EIF4E3: variants seen among roughly 807,000 people sequenced by gnomAD.
EIF4E3 encodes eukaryotic translation initiation factor 4E type 3.
EIF4E3 carries 26 observed loss-of-function variants against 31.7 expected under a neutral mutation model. That is an observed-to-expected ratio of 0.82 (90% CI 0.60 to 1.14). The LOEUF (loss-of-function observed/expected upper bound fraction) is 1.14, where lower values mean the gene tolerates loss of function less well. EIF4E3 is among the 50% of genes most tolerant of loss of function. The pLI is 0.00. For missense variants in EIF4E3, 304 were observed against 270.9 expected (o/e 1.12, Z -0.86); for synonymous variants, 128 against 107.7 (o/e 1.19, Z -1.17).
chr3:71,731,991 T>C (rs964078253), intron 1 of EIF4E3, among the ~76,000 whole-genome samples: 3 of 152,230 alleles, frequency 2.0e-5, no homozygotes, highest in Non-Finnish European at 4.4e-5. Context: ...TGGAAATATA[T>C]ATATTCCAAA....
Position 71,725,099 on chromosome 3 carries a change from C to CGGGGCCGGGGCGA in EIF4E3, c.176+80_176+92dup, listed in dbSNP as rs2049611508. On this transcript the variant is annotated intron_variant, in intron 1 of 6. Coordinates refer to ENST00000425534, the MANE Select transcript of EIF4E3 (RefSeq NM_001134651.2). The surrounding 1 kb of genome is among the most constrained non-coding windows in gnomAD (Gnocchi z 6.1). ...GGCCGAGGTCTGTGCCACAGCGGAGCGGGGCCGGGGCGAGGGGCCGCGCCG... is the reference window on the plus strand; with the variant it reads ...GGCCGAGGTCTGTGCCACAGCGGAGCGGGGCCGGGGCGAGGGGCCGGGGCGAGGGGCCGCGCCG... The CGGGGCCGGGGCGA allele has an allele frequency of 1.1e-6, 1 of 918,270 alleles. No homozygotes were observed. The highest frequency in any genetic ancestry group is 5.0e-5 in the South Asian group (1 of 20,058). The allele number at this position is 918,270 out of a possible 1,614,324, so 56.9% of individuals were successfully genotyped here.
At chr3:71,664,435 C>A in the EIF4E3 span, among the ~76,000 whole-genome samples, 1 of 151,932 alleles carries the variant, frequency 6.6e-6, no homozygotes, top group Non-Finnish European at 1.5e-5. Flanking sequence ...CATGATTTCA[C>A]CCCAGCTGTA....
Position 71,730,978 on chromosome 3 carries a change from C to A in EIF4E3, c.-290-2355G>T, listed in dbSNP as rs2049700244. 1.3e-5 allele frequency among the ~76,000 whole-genome samples: 2 copies of A among 152,180 alleles called. 1 individual carries two copies. Among genetic ancestry groups the A allele is most frequent in the South Asian group, 4.1e-4 (2 of 4,832 alleles). On this transcript the variant is annotated intron_variant, in intron 1 of 7. Coordinates refer to the EIF4E3 transcript ENST00000295612. ...GCCTCAAGTGATCCTCCCACAACAG[C>A]CTTCCAAAATGCTGGAATTACAGAC...
chr3:71,660,770 T>C, the EIF4E3 span, among the ~76,000 whole-genome samples: 1 of 152,172 alleles, frequency 6.6e-6, no homozygotes, highest in Non-Finnish European at 1.5e-5. Flanking sequence ...ATAAGTTCTG[T>C]TTTGCGGATG....
chr3:71,708,072 C>T (rs865807874), intron 2 of EIF4E3, among the ~76,000 whole-genome samples: 11 of 152,170 alleles, frequency 7.2e-5, no homozygotes, highest in Middle Eastern at 3.4e-3. Context: ...CAGAGTTTCA[C>T]CTTGTTGCTC....
the EIF4E3 span, among the ~76,000 whole-genome samples, chr3:71,664,899 A>C: frequency 1.3e-5 from 2 of 152,042 alleles, no homozygotes; most frequent in African/African-American, 4.8e-5. Context: ...CAAAACAAAA[A>C]AACTCGAAGA....
intron 4 of EIF4E3, 148 bp from the exon 5 acceptor site, chr3:71,694,089 C>G: frequency 1.5e-6 from 1 of 663,636 alleles, no homozygotes; most frequent in Non-Finnish European, 2.4e-6. Context: ...CCTCCAAATC[C>G]TAGGTGCAAA....
At chr3:71,702,711 T>TA (rs34223814) in intron 2 of EIF4E3, among the ~76,000 whole-genome samples, 26,735 of 131,108 alleles carry the variant, frequency 0.2, 2,701 homozygotes, top group African/African-American at 0.27. Context: ...GTCACACCAT[T>TA]AAAAAAAAAA....
chr3:71,696,074 C>G (rs2049131855), intron 4 of EIF4E3, among the ~76,000 whole-genome samples: 1 of 152,168 alleles, frequency 6.6e-6, no homozygotes, highest in African/African-American at 2.4e-5. Flanking sequence ...TTTGTTCCCC[C>G]TGTAGAGGAG....
At chr3:71,674,636 C>T (rs1198681658), downstream of EIF4E3, among the ~76,000 whole-genome samples, 4 of 152,168 alleles carry the variant, frequency 2.6e-5, no homozygotes, top group Non-Finnish European at 1.5e-5. Flanking sequence ...CACCTCAACA[C>T]TGTTTGTTGT....
intron 1 of EIF4E3, among the ~76,000 whole-genome samples, chr3:71,734,624 G>A (rs1056976978): frequency 6.6e-6 from 1 of 151,962 alleles, no homozygotes; most frequent in African/African-American, 2.4e-5. Flanking sequence ...TATTAGAATT[G>A]AAATTCAGCA....
At chr3:71,697,588 C>T (rs1039470795) in intron 3 of EIF4E3, among the ~76,000 whole-genome samples, 1 of 151,836 alleles carries the variant, frequency 6.6e-6, no homozygotes, top group Non-Finnish European at 1.5e-5. Flanking sequence ...CTCTGGTAAC[C>T]GTCATTCTAC....
intron 1 of EIF4E3, among the ~76,000 whole-genome samples, chr3:71,710,797 T>C (rs2049367536): frequency 6.6e-6 from 1 of 152,206 alleles, no homozygotes; most frequent in African/African-American, 2.4e-5. Context: ...AACCTACTGA[T>C]AACCAAGCAT....
chr3:71,743,653 A>C (rs2049842853), intron 1 of EIF4E3, among the ~76,000 whole-genome samples: 2 of 152,174 alleles, frequency 1.3e-5, no homozygotes, highest in South Asian at 4.1e-4. Flanking sequence ...GACCAAGAAC[A>C]GCCAAAACAA....
chr3:71,688,654 A>G (rs780248768), intron 6 of EIF4E3, among the ~76,000 whole-genome samples: 1 of 152,222 alleles, frequency 6.6e-6, no homozygotes, highest in Non-Finnish European at 1.5e-5. Context: ...ACTTCCGTCT[A>G]TAGAGTTTCT....
intron 3 of EIF4E3, among the ~76,000 whole-genome samples, chr3:71,698,665 G>T (rs927372367): frequency 5.9e-5 from 9 of 152,216 alleles, no homozygotes; most frequent in Admixed American, 2.0e-4. Flanking sequence ...CTCAAAGTGG[G>T]AGAATGAGAC....
intron 1 of EIF4E3, among the ~76,000 whole-genome samples, chr3:71,732,134 G>C (rs1402596): frequency 0.039 from 5,890 of 152,148 alleles, 386 homozygotes; most frequent in African/African-American, 0.13. Flanking sequence ...GGGAGACCCA[G>C]CTTTACTGAA....
At chr3:71,703,811 C>CAAAAAAAAAAAAAAAAAAA (rs370789059) in intron 2 of EIF4E3, among the ~76,000 whole-genome samples, 2 of 72,468 alleles carry the variant, frequency 2.8e-5, no homozygotes, top group African/African-American at 1.2e-4. Flanking sequence ...AAACACACAT[C>CAAAAAAAAAAAAAAAAAAA]AAAAAAAAAA....
chr3:71,754,394 C>T, upstream of EIF4E3: 2 of 1,347,044 alleles, frequency 1.5e-6, no homozygotes, highest in African/African-American at 1.5e-5. This position sits in a 1 kb window ranked among gnomAD's most constrained non-coding sequence, Gnocchi z 5.8. Context: ...TGCTGCTGGG[C>T]GTGGGCGTCA....
Sources: gnomAD v4.1 joint callset for allele counts (sites outside exome capture counted in the v4.1 genomes callset) on GRCh38, gnomAD v4.1.1 for gene constraint, Gnocchi (gnomAD v3.1) non-coding constraint, MANE v1.5 for transcripts, NCBI Gene and HGNC (gene_info 2026-07-23, HGNC 2026-07-21) for gene names.